Variants in SH2D4A observed in about 807,000 individuals in gnomAD.
SH2D4A encodes SH2 domain-containing protein 4A.
Under a neutral mutation model 64.7 loss-of-function variants are expected in SH2D4A, and 70 were observed. That is an observed-to-expected ratio of 1.08 (90% confidence interval 0.89 to 1.32). The LOEUF (loss-of-function observed/expected upper bound fraction) is 1.32, where lower values mean the gene tolerates loss of function less well. SH2D4A is among the 40% of genes most tolerant of loss of function. SH2D4A has a pLI of 0.00. For missense variants in SH2D4A, 706 were observed against 540.1 expected, an observed-to-expected ratio of 1.31 and a Z score of -3.04; for synonymous variants, 268 against 200.7, an observed-to-expected ratio of 1.34 and a Z score of -2.83.
rs769919471 is a variant in SH2D4A, at chr8:19,357,219, C to G, written c.530C>G (p.Ser177Ter). ...EEKIRSLSSS[S>*]RNIQQMLADS... ...AATTTTTAGTCACTCTCCAGTTCTT[C>G]AAGAAATATTCAACAAATGTTGGCA... Residue 177 changes from serine (S) to a stop codon, truncating the protein, a stop_gained, in exon 5 of 10, where the codon TCA becomes TGA. Coordinates refer to ENST00000265807, the MANE Select transcript of SH2D4A (RefSeq NM_022071.4). LOFTEE classifies it high-confidence loss of function. 1 of 1,613,748 alleles carries G rather than the reference C, an allele frequency of 6.2e-7. No individual in the cohort carries two copies. The highest frequency in any genetic ancestry group is 8.5e-7 in the Non-Finnish European group (1 of 1,179,612).
In SH2D4A at chr8:19,385,194, A is replaced by G. The variant is rs563549880; in HGVS notation, c.1049-8124A>G. Among the ~76,000 whole-genome samples the G allele has an allele frequency of 2.7e-5, 4 of 148,806 alleles. No homozygotes were observed. In the East Asian group the frequency reaches 7.8e-4, roughly 29 times the overall value. On this transcript the variant is annotated intron_variant, in intron 8 of 9. Coordinates refer to ENST00000265807, the MANE Select transcript of SH2D4A (RefSeq NM_022071.4). ...CTTTGGTGGGATAGCAATATAGTTC[A>G]CACTTCAGCTGTTTTTTTGTTTTTT...
rs562251768 is a variant in SH2D4A at position 19,355,035 on chromosome 8, A to G, written c.514-2168A>G. ...TAGAGCAGCGAAGTATCCTTTTATA[A>G]TATTAAAATGAGAAAAAAATGAAAG... On this transcript the variant is annotated intron_variant, in intron 4 of 9. Transcript: ENST00000265807. Among the ~76,000 whole-genome samples, 7 of 152,324 alleles carry G rather than the reference A, an allele frequency of 4.6e-5. No individual in the cohort carries two copies. The South Asian group carries it at 1.4e-3, about 32-fold the overall frequency.
chr8:19,373,499 A>C, intron 7 of SH2D4A, 31 bp from the exon 8 acceptor site: 1 of 1,542,458 alleles, frequency 6.5e-7, no homozygotes, highest in Non-Finnish European at 8.7e-7. Flanking sequence ...AATTAGTTAA[A>C]TCTAACTTGA....
rs761330623 is a variant in SH2D4A at position 19,357,258 on chromosome 8, G to T, written c.569G>T (p.Arg190Leu). 3 of 1,613,794 alleles carry T rather than the reference G, an allele frequency of 1.9e-6. No individual in the cohort carries two copies. The highest frequency in any genetic ancestry group is 3.3e-5 in the Admixed American group (2 of 60,022). ...IQQMLADSINRMKAYAFHQKK... is the reference protein window; with the variant it reads ...IQQMLADSINLMKAYAFHQKK... ...CAAATGTTGGCAGATTCAATCAATC[G>T]TATGAAGGCATATGCATTTCACCAG... The change falls in exon 5 of 10, where the codon CGT (arginine) becomes CTT (leucine). Residue 190 changes from arginine to leucine, a missense_variant. Coordinates refer to ENST00000265807, the MANE Select transcript of SH2D4A (RefSeq NM_022071.4).
At chr8:19,359,210 T>C (rs11997156) in intron 5 of SH2D4A, among the ~76,000 whole-genome samples, 24,885 of 152,130 alleles carry the variant, frequency 0.16, 2,558 homozygotes, top group African/African-American at 0.29. Flanking sequence ...TCATCTGCTA[T>C]TACTCTGTGA....
At chr8:19,354,113 C>T (rs1303220499) in intron 4 of SH2D4A, among the ~76,000 whole-genome samples, 2 of 151,820 alleles carry the variant, frequency 1.3e-5, no homozygotes, top group Admixed American at 1.3e-4. Flanking sequence ...GTCTCAGCCT[C>T]CCGAATAACT....
In SH2D4A at chr8:19,373,619, G is replaced by A; in HGVS notation, c.1007G>A (p.Gly336Asp). The A allele has an allele frequency of 3.1e-6, 5 of 1,613,300 alleles. No homozygotes were observed. The highest frequency in any genetic ancestry group is 4.2e-6 in the Non-Finnish European group (5 of 1,179,592). ...FKEEQLPLRAGYQKTSDTIAP... is the reference protein window; with the variant it reads ...FKEEQLPLRADYQKTSDTIAP... The stretch of plus-strand genomic sequence containing the variant: ...GAGGAGCAGCTACCACTTCGAGCGG[G>A]CTACCAGAAAACCTCAGACACCATA... Residue 336 changes from glycine (G) to aspartate (D), a missense_variant, in exon 8 of 10, where the codon GGC (glycine) becomes GAC (aspartate). Transcript: ENST00000265807.
rs527887629 is a variant in SH2D4A at position 19,318,126 on chromosome 8, G to A, written c.-204-1218G>A. On this transcript the variant is annotated intron_variant, in intron 1 of 9. Transcript: ENST00000265807. ...TGGTCATACTGGTCAGACTGGTCTC[G>A]AACTCCTGACCTCGTGATCCCCCCT... Among the ~76,000 whole-genome samples, 461 of 152,152 alleles carry A rather than the reference G, an allele frequency of 3.0e-3. 2 individuals are homozygous for A. The highest frequency in any genetic ancestry group is 2.6e-3 in the Non-Finnish European group (179 of 68,012).
intron 7 of SH2D4A, among the ~76,000 whole-genome samples, chr8:19,369,073 G>C (rs1011884921): frequency 6.6e-6 from 1 of 152,012 alleles, no homozygotes; most frequent in African/African-American, 2.4e-5. Context: ...CTTTACCTGT[G>C]TCTGTTGAGA....
At chr8:19,343,451 A>AT (rs990400965) in intron 4 of SH2D4A, among the ~76,000 whole-genome samples, 2 of 152,042 alleles carry the variant, frequency 1.3e-5, no homozygotes, top group African/African-American at 4.8e-5. Context: ...AAAAACTGGG[A>AT]TTTTTTAAAA....
chr8:19,314,404 TG>T (rs971324797), intron 1 of SH2D4A, among the ~76,000 whole-genome samples: 1 of 152,072 alleles, frequency 6.6e-6, no homozygotes, highest in Non-Finnish European at 1.5e-5. Flanking sequence ...ACGTGGGGTC[TG>T]GGAGCGCGCG....
intron 8 of SH2D4A, among the ~76,000 whole-genome samples, chr8:19,381,990 A>G (rs2053301183): frequency 6.6e-6 from 1 of 152,012 alleles, no homozygotes; most frequent in Admixed American, 6.6e-5. Flanking sequence ...CCTACTTGGT[A>G]TGGTATATAA....
chr8:19,327,477 G>C (rs1181974516), intron 2 of SH2D4A, among the ~76,000 whole-genome samples: 1 of 152,190 alleles, frequency 6.6e-6, no homozygotes, highest in Non-Finnish European at 1.5e-5. Context: ...TTACAGAAAT[G>C]GGGTTCTGTG....
chr8:19,392,449 A>G (rs1031551124), intron 8 of SH2D4A, among the ~76,000 whole-genome samples: 15 of 152,194 alleles, frequency 9.9e-5, no homozygotes, highest in African/African-American at 3.6e-4. Context: ...GCTGTTTAGC[A>G]ACATCCCTGA....
At chr8:19,340,593 CTTTCTTTCTTT>C (rs2052514175) in intron 4 of SH2D4A, among the ~76,000 whole-genome samples, 1 of 130,940 alleles carries the variant, frequency 7.6e-6, no homozygotes, top group Non-Finnish European at 1.6e-5. Context: ...TCTTTTCTTT[CTTTCTTTCTTT>C]TTTTTTTTTT....
At chr8:19,354,951 A>G (rs1391950364) in intron 4 of SH2D4A, among the ~76,000 whole-genome samples, 1 of 152,240 alleles carries the variant, frequency 6.6e-6, no homozygotes, top group African/African-American at 2.4e-5. Flanking sequence ...CTCCAGTTTC[A>G]TAAGTCCAGA....
At chr8:19,375,155 T>A (rs2053170954) in intron 8 of SH2D4A, 2 of 152,200 alleles carry the variant, frequency 1.3e-5, no homozygotes, top group Admixed American at 1.3e-4. Flanking sequence ...TGCATTCTTA[T>A]CAATTTATTT....
rs137945875 is a variant in SH2D4A, at chr8:19,339,084, C to A, written c.513+4227C>A. Among the ~76,000 whole-genome samples, 29 of 152,346 alleles carry A rather than the reference C, an allele frequency of 1.9e-4. No individual in the cohort carries two copies. In the East Asian group the frequency reaches 5.4e-3, roughly 28 times the overall value. ...TGGCCGAAGGCCTTAGAGCCCCTGG[C>A]AAACCACTGGCATAAATCCAAGAGT... On this transcript the variant is annotated intron_variant, in intron 4 of 9. Transcript: ENST00000265807.
intron 8 of SH2D4A, among the ~76,000 whole-genome samples, chr8:19,390,895 G>C (rs1357103534): frequency 6.6e-6 from 1 of 152,172 alleles, no homozygotes; most frequent in Non-Finnish European, 1.5e-5. Context: ...CCGAGGTTTG[G>C]TTATAAATTT....
Sources: allele counts gnomAD v4.1 joint callset (sites outside exome capture counted in the v4.1 genomes callset), GRCh38; gene constraint gnomAD v4.1.1; transcripts MANE v1.5; gene names NCBI Gene and HGNC (gene_info 2026-07-23, HGNC 2026-07-21).